ARHGAP15: variants seen among roughly 807,000 people sequenced by gnomAD.
ARHGAP15 encodes Rho GTPase activating protein 15, also known as rho GTPase-activating protein 15.
Under a neutral mutation model 63.7 loss-of-function variants are expected in ARHGAP15, and 51 were observed. The observed-to-expected ratio is 0.80, with a 90% CI of 0.64 to 1.01. The LOEUF (loss-of-function observed/expected upper bound fraction) is 1.01, where lower values mean the gene tolerates loss of function less well. ARHGAP15 is among the 50% of genes least tolerant of loss of function. The probability of loss-of-function intolerance (pLI) is 0.00; values close to 1 mark genes in which losing one functional copy is unlikely to be tolerated. For missense variants in ARHGAP15, 560 were observed against 564.6 expected (o/e 0.99, Z 0.08); for synonymous variants, 191 against 193.8 (o/e 0.99, Z 0.12).
At chr2:143,408,031 A>ATG (rs1558950738) in intron 6 of ARHGAP15, among the ~76,000 whole-genome samples, 2 of 120,084 alleles carry the variant, frequency 1.7e-5, no homozygotes, top group African/African-American at 3.2e-5. Flanking sequence ...ATATATATAT[A>ATG]TCCTTTTTCC....
intron 10 of ARHGAP15, among the ~76,000 whole-genome samples, chr2:143,543,826 T>C (rs372963210): frequency 1.3e-5 from 2 of 152,148 alleles, no homozygotes; most frequent in African/African-American, 4.8e-5. Context: ...TTTTTTTAAG[T>C]CAACAAAGTG....
At chr2:143,353,201 G>A (rs1045719907) in intron 6 of ARHGAP15, among the ~76,000 whole-genome samples, 1 of 152,126 alleles carries the variant, frequency 6.6e-6, no homozygotes, top group Admixed American at 6.6e-5. Context: ...CTGAGTCTGA[G>A]GATTGTAGGG....
chr2:143,673,136 T>TAA (rs1307952579), intron 12 of ARHGAP15, among the ~76,000 whole-genome samples: 1 of 151,860 alleles, frequency 6.6e-6, no homozygotes, highest in Non-Finnish European at 1.5e-5. Flanking sequence ...GGTAATAAAT[T>TAA]AAAAAAAAGA....
intron 6 of ARHGAP15, among the ~76,000 whole-genome samples, chr2:143,327,930 T>C (rs987347977): frequency 8.1e-5 from 12 of 147,626 alleles, no homozygotes; most frequent in Admixed American, 2.7e-4. Flanking sequence ...ATCCAAAAAG[T>C]GAGCAAAGGA....
intron 2 of ARHGAP15, among the ~76,000 whole-genome samples, chr2:143,200,809 TC>T (rs1692082625): frequency 6.6e-6 from 1 of 152,098 alleles, no homozygotes; most frequent in Admixed American, 6.6e-5. Flanking sequence ...TTTAAGCACA[TC>T]TGGTTACTAA....
At chr2:143,229,578 T>C (rs1693358183) in intron 5 of ARHGAP15, among the ~76,000 whole-genome samples, 1 of 152,094 alleles carries the variant, frequency 6.6e-6, no homozygotes, top group South Asian at 2.1e-4. Context: ...AGCCTCCTGA[T>C]TAGGAAGGAC....
chr2:143,720,141 T>G (rs972929781), intron 13 of ARHGAP15, among the ~76,000 whole-genome samples: 1 of 150,778 alleles, frequency 6.6e-6, no homozygotes, highest in African/African-American at 2.4e-5. Context: ...CTGGGGAGAG[T>G]GGGGGCGGGG....
At chr2:143,667,165 C>A (rs1682248748) in intron 12 of ARHGAP15, among the ~76,000 whole-genome samples, 1 of 149,676 alleles carries the variant, frequency 6.7e-6, no homozygotes, top group Non-Finnish European at 1.5e-5. Context: ...GACTTGGAAC[C>A]AACCCAAATG....
intron 11 of ARHGAP15, chr2:143,608,309 G>A (rs2105210427): frequency 6.6e-6 from 1 of 152,270 alleles, no homozygotes; most frequent in East Asian, 1.9e-4. Context: ...GGAGACTCGT[G>A]CTCTGTAAGC....
intron 1 of ARHGAP15, among the ~76,000 whole-genome samples, chr2:143,138,147 A>G (rs1362699080): frequency 6.6e-6 from 1 of 152,132 alleles, no homozygotes; most frequent in Non-Finnish European, 1.5e-5. Context: ...CTTAATAATT[A>G]TCATCATAGC....
chr2:143,578,949 A>G (rs191582111), intron 11 of ARHGAP15, among the ~76,000 whole-genome samples: 7 of 152,274 alleles, frequency 4.6e-5, no homozygotes, highest in African/African-American at 9.6e-5. Flanking sequence ...ATTTCATAAT[A>G]TACACTACAA....
intron 13 of ARHGAP15, among the ~76,000 whole-genome samples, chr2:143,715,734 A>G (rs1047140794): frequency 6.6e-6 from 1 of 152,118 alleles, no homozygotes; most frequent in African/African-American, 2.4e-5. Context: ...AATCAGATCC[A>G]ATTTATCAAT....
At chr2:143,411,435 CAA>C (rs1454150075) in intron 6 of ARHGAP15, among the ~76,000 whole-genome samples, 2 of 149,684 alleles carry the variant, frequency 1.3e-5, no homozygotes, top group Admixed American at 6.7e-5. Context: ...TCAAAACAAA[CAA>C]AGTTTACATC....
chr2:143,415,023 T>C (rs1688614567), intron 6 of ARHGAP15, among the ~76,000 whole-genome samples: 1 of 152,140 alleles, frequency 6.6e-6, no homozygotes, highest in African/African-American at 2.4e-5. Flanking sequence ...AAAAGGAAAC[T>C]AACTGCAGGC....
At chr2:143,155,279 A>G (rs551157169) in intron 1 of ARHGAP15, among the ~76,000 whole-genome samples, 198 bp from the exon 2 acceptor site, 1 of 152,018 alleles carries the variant, frequency 6.6e-6, no homozygotes, top group South Asian at 2.1e-4. Context: ...TCTGTTATGT[A>G]TAGTGCTATC....
chr2:143,323,072 T>A (rs1684095659), intron 6 of ARHGAP15, among the ~76,000 whole-genome samples: 1 of 152,188 alleles, frequency 6.6e-6, no homozygotes, highest in African/African-American at 2.4e-5. Flanking sequence ...TCTCTTGGGT[T>A]GATGTATGTT....
intron 2 of ARHGAP15, among the ~76,000 whole-genome samples, chr2:143,185,756 C>T (rs1288385286): frequency 1.3e-5 from 2 of 152,138 alleles, no homozygotes; most frequent in Non-Finnish European, 2.9e-5. Context: ...GGTAAAAGTG[C>T]TTTCTCTTAA....
chr2:143,423,140 C>A (rs549742847), intron 6 of ARHGAP15, among the ~76,000 whole-genome samples: 5 of 152,158 alleles, frequency 3.3e-5, no homozygotes, highest in Admixed American at 6.5e-5. Context: ...TTCTTCTTAC[C>A]AAGATGGTGT....
chr2:143,488,803 A>G (rs1242133594), intron 9 of ARHGAP15, among the ~76,000 whole-genome samples: 2 of 152,246 alleles, frequency 1.3e-5, no homozygotes, highest in Admixed American at 1.3e-4. Context: ...GTGAAATTTC[A>G]TGAAGCAAAA....
Sources: allele counts gnomAD v4.1 joint callset (sites outside exome capture counted in the v4.1 genomes callset), GRCh38; gene constraint gnomAD v4.1.1; transcripts MANE v1.5; gene names NCBI Gene and HGNC (gene_info 2026-07-23, HGNC 2026-07-21).